The following NRXN1 variants were observed in gnomAD, a reference collection of about 807,000 sequenced individuals.
NRXN1 encodes the protein neurexin-1.
Under a neutral mutation model 150.9 loss-of-function variants are expected in NRXN1, and 39 were observed. The observed-to-expected ratio is 0.26, with a 90% CI of 0.20 to 0.34. The LOEUF (loss-of-function observed/expected upper bound fraction) is 0.34, where lower values mean the gene tolerates loss of function less well. Ranked by LOEUF, NRXN1 falls within the 10% of genes least tolerant of loss-of-function variation. The probability of loss-of-function intolerance (pLI) is 1.00; values close to 1 mark genes in which losing one functional copy is unlikely to be tolerated. For synonymous variants in NRXN1, 924 were observed against 757.0 expected (o/e 1.22, Z -3.62); for missense variants, 1,815 against 1,949.9 (o/e 0.93, Z 1.30).
At chr2:50,025,718 C>G (rs1688180917) in intron 21 of NRXN1, among the ~76,000 whole-genome samples, 1 of 152,160 alleles carries the variant, frequency 6.6e-6, no homozygotes, top group Admixed American at 6.5e-5. Context: ...CATCATCTGT[C>G]ATAATTTTTA....
chr2:50,738,044 G>A (rs1403612275), intron 5 of NRXN1, among the ~76,000 whole-genome samples: 1 of 152,122 alleles, frequency 6.6e-6, no homozygotes, highest in Non-Finnish European at 1.5e-5. Flanking sequence ...GACAAGGCTG[G>A]GTGAACCCTG....
At chr2:50,452,807 A>G (rs1040938077) in intron 17 of NRXN1, among the ~76,000 whole-genome samples, 2 of 152,200 alleles carry the variant, frequency 1.3e-5, no homozygotes, top group Non-Finnish European at 2.9e-5. Context: ...TTAATTCTCA[A>G]TCTATATAAA....
chr2:50,458,463 G>A (rs2087809776), intron 17 of NRXN1, among the ~76,000 whole-genome samples: 1 of 152,066 alleles, frequency 6.6e-6, no homozygotes, highest in Non-Finnish European at 1.5e-5. Flanking sequence ...ACAAAAATAA[G>A]TGATAAATAT....
In NRXN1 at chr2:50,982,282, G is replaced by C. The variant is rs1478245610; in HGVS notation, c.772+45220C>G. Among the ~76,000 whole-genome samples, 3 of 152,052 alleles carry C rather than the reference G, an allele frequency of 2.0e-5. No individual in the cohort carries two copies. The East Asian group carries it at 5.8e-4, about 29-fold the overall frequency. ...CTGAAGAACAAATCAAGACTATTTA[G>C]TACCAGATATAAATTATTTTAGGCA... On this transcript the variant is annotated intron_variant, in intron 2 of 22. Coordinates refer to ENST00000401669, the MANE Select transcript of NRXN1 (RefSeq NM_001330078.2).
intron 21 of NRXN1, among the ~76,000 whole-genome samples, chr2:50,035,348 C>G (rs889722077): frequency 2.0e-5 from 3 of 151,932 alleles, no homozygotes; most frequent in Non-Finnish European, 4.4e-5. Context: ...ATTTCTCTAC[C>G]CACTTACTGA....
chr2:50,929,726 C>T (rs942057146), intron 2 of NRXN1, among the ~76,000 whole-genome samples: 2 of 152,100 alleles, frequency 1.3e-5, no homozygotes, highest in Non-Finnish European at 2.9e-5. Context: ...ACGTCTCTCT[C>T]GCCCATCACA....
At chr2:50,657,565 G>A (rs572854027) in intron 5 of NRXN1, among the ~76,000 whole-genome samples, 3 of 152,084 alleles carry the variant, frequency 2.0e-5, no homozygotes, top group Admixed American at 6.6e-5. Flanking sequence ...CGTAAAGAGC[G>A]TTATTCCCTG....
At chr2:50,547,473 G>T (rs894238851) in intron 9 of NRXN1, 4 of 152,010 alleles carry the variant, frequency 2.6e-5, no homozygotes, top group African/African-American at 9.7e-5. Context: ...TAAATACCTG[G>T]GCAGCTGTTT....
intron 2 of NRXN1, among the ~76,000 whole-genome samples, chr2:51,010,264 AC>A (rs1412407965): frequency 6.6e-6 from 1 of 151,866 alleles, no homozygotes; most frequent in East Asian, 1.9e-4. Context: ...TTTTTTCTTT[AC>A]CCTCTTCACT....
At chr2:50,742,607 C>CAAAAA (rs376431319) in intron 5 of NRXN1, among the ~76,000 whole-genome samples, 3 of 69,864 alleles carry the variant, frequency 4.3e-5, no homozygotes, top group Non-Finnish European at 8.3e-5. Context: ...GACTCCGTCT[C>CAAAAA]AAAAAAAAAA....
intron 5 of NRXN1, among the ~76,000 whole-genome samples, chr2:50,736,627 AG>A (rs1698785943): frequency 6.6e-6 from 1 of 152,134 alleles, no homozygotes; most frequent in Non-Finnish European, 1.5e-5. Context: ...TGGTTTTATA[AG>A]GGGAGAAACC....
chr2:50,633,578 C>T (rs1682745539), intron 5 of NRXN1, among the ~76,000 whole-genome samples: 1 of 151,270 alleles, frequency 6.6e-6, no homozygotes, highest in Non-Finnish European at 1.5e-5. Flanking sequence ...AGAAGTAGGT[C>T]AGTATACACT....
intron 5 of NRXN1, chr2:50,918,774 T>A (rs1459219648): frequency 3.4e-6 from 1 of 297,126 alleles, no homozygotes; most frequent in African/African-American, 2.2e-5. Flanking sequence ...AAATTCTAAA[T>A]AGAAAGGAGA....
At chr2:50,323,932 C>G (rs1387309630) in intron 17 of NRXN1, among the ~76,000 whole-genome samples, 1 of 152,118 alleles carries the variant, frequency 6.6e-6, no homozygotes, top group Non-Finnish European at 1.5e-5. Flanking sequence ...AAGAGATGTT[C>G]TAGAAACTCA....
intron 5 of NRXN1, among the ~76,000 whole-genome samples, chr2:50,702,180 G>T (rs1350006723): frequency 3.3e-5 from 5 of 152,010 alleles, no homozygotes; most frequent in African/African-American, 9.7e-5. Flanking sequence ...CCATTATTAT[G>T]TACAAAGCTC....
intron 17 of NRXN1, among the ~76,000 whole-genome samples, chr2:50,292,259 G>C (rs1329379538): frequency 6.6e-6 from 1 of 152,102 alleles, no homozygotes; most frequent in African/African-American, 2.4e-5. Flanking sequence ...CCATAATTAA[G>C]TTATATTGGC....
intron 21 of NRXN1, among the ~76,000 whole-genome samples, chr2:50,021,078 T>C (rs1267915662): frequency 6.6e-6 from 1 of 152,210 alleles, no homozygotes; most frequent in Admixed American, 6.5e-5. Context: ...TAATAGATAA[T>C]GTCAACTCTT....
chr2:50,789,003 T>C (rs1255716075), intron 5 of NRXN1, among the ~76,000 whole-genome samples: 2 of 151,868 alleles, frequency 1.3e-5, no homozygotes, highest in African/African-American at 4.8e-5. Flanking sequence ...AGGAAATGGA[T>C]TGGGGGAGAA....
intron 2 of NRXN1, among the ~76,000 whole-genome samples, chr2:51,016,490 A>C (rs1462850095): frequency 6.6e-6 from 1 of 152,186 alleles, no homozygotes; most frequent in East Asian, 1.9e-4. Context: ...GTAGCCAACA[A>C]ATATGTGAAA....
Sources: gnomAD v4.1 joint callset for allele counts (sites outside exome capture counted in the v4.1 genomes callset) on GRCh38, gnomAD v4.1.1 for gene constraint, MANE v1.5 for transcripts, NCBI Gene and HGNC (gene_info 2026-07-23, HGNC 2026-07-21) for gene names.